ADAMTS15: variants seen among roughly 807,000 people sequenced by gnomAD.
ADAMTS15 encodes the protein ADAM metallopeptidase with thrombospondin type 1 motif 15.
Under a neutral mutation model 79.1 loss-of-function variants are expected in ADAMTS15, and 35 were observed. The observed-to-expected ratio is 0.44, with a 90% CI of 0.34 to 0.59. ADAMTS15 has a LOEUF of 0.59. Ranked by LOEUF, ADAMTS15 falls within the 20% of genes least tolerant of loss-of-function variation. The pLI is 0.02. For missense variants in ADAMTS15, 1,324 were observed against 1,318.7 expected (o/e 1.00, Z -0.06); for synonymous variants, 616 against 567.3 (o/e 1.09, Z -1.22).
intron 5 of ADAMTS15, among the ~76,000 whole-genome samples, chr11:130,470,154 G>GTATATATATATATATGTATA (rs1938401449): frequency 1.8e-5 from 1 of 55,574 alleles, no homozygotes; most frequent in Non-Finnish European, 3.3e-5. Context: ...ATATATATGT[G>GTATATATATATATATGTATA]TATATATATA....
rs931705110 is a variant in ADAMTS15 at position 130,472,836 on chromosome 11, A to G, written c.2079-211A>G. ...TGTGTGGAATTCTGAGCTCCACTTT[A>G]CAGGTGAGGATGTGGAGGCTTGGAG... On this transcript the variant is annotated intron_variant, in intron 7 of 7. Transcript: ENST00000299164. This position sits in a 1 kb window ranked among gnomAD's most constrained non-coding sequence, Gnocchi z 4.7. 3.9e-5 allele frequency among the ~76,000 whole-genome samples: 6 copies of G among 152,176 alleles called. No homozygotes were observed. Among genetic ancestry groups the G allele is most frequent in the Non-Finnish European group, 7.3e-5 (5 of 68,030 alleles).
chr11:130,449,938 G>A lies in ADAMTS15; in HGVS notation c.957+8G>A. 1 of 1,596,454 alleles carries A rather than the reference G, an allele frequency of 6.3e-7. No individual in the cohort carries two copies. Among genetic ancestry groups the A allele is most frequent in the Non-Finnish European group, 8.5e-7 (1 of 1,177,450 alleles). On this transcript the variant is annotated splice_region_variant and intron_variant, in intron 1 of 7. Coordinates refer to ENST00000299164, the MANE Select transcript of ADAMTS15 (RefSeq NM_139055.4). This position sits in a 1 kb window ranked among gnomAD's most constrained non-coding sequence, Gnocchi z 7.8. ...ATCCTCTTCACCAGGCAGGTGAGTT[G>A]ATCTGCCGTCACTTTGCACCCAGAT...
intron 7 of ADAMTS15, 33 bp downstream of exon 7, chr11:130,471,416 A>G: frequency 6.3e-7 from 1 of 1,585,260 alleles, no homozygotes; most frequent in South Asian, 1.2e-5. Flanking sequence ...CCTGCCAGGG[A>G]GCAAAGGGAG....
chr11:130,454,666 G>A (rs1316620311), intron 1 of ADAMTS15, among the ~76,000 whole-genome samples: 2 of 152,156 alleles, frequency 1.3e-5, no homozygotes, highest in African/African-American at 4.8e-5. Flanking sequence ...ACAACACCAT[G>A]CCTTCTGGGA....
chr11:130,455,510 G>A (rs1938058285), intron 1 of ADAMTS15, among the ~76,000 whole-genome samples: 1 of 152,200 alleles, frequency 6.6e-6, no homozygotes, highest in South Asian at 2.1e-4. Context: ...GGTGATTGTG[G>A]AAGGAAGGTG....
intron 4 of ADAMTS15, among the ~76,000 whole-genome samples, chr11:130,468,311 G>C (rs970433719): frequency 2.0e-5 from 3 of 152,178 alleles, no homozygotes; most frequent in African/African-American, 7.2e-5. Context: ...GCCCACTAGG[G>C]TGCTGTGGTG....
Position 130,462,287 on chromosome 11 carries a change from G to T in ADAMTS15, c.1258+33G>T. The T allele has an allele frequency of 6.3e-7, 1 of 1,583,800 alleles. No homozygotes were observed. The highest frequency in any genetic ancestry group is 1.7e-5 in the Admixed American group (1 of 57,318). On this transcript the variant is annotated intron_variant, in intron 3 of 7. Transcript: ENST00000299164. The surrounding 1 kb of genome is among the most constrained non-coding windows in gnomAD (Gnocchi z 4.3). ...AGGACGGCGGGAGGGCAATGAGGCCGCCTCGGAGGGGGCTTTGCTGCTGCC... is the reference window on the plus strand; with the variant it reads ...AGGACGGCGGGAGGGCAATGAGGCCTCCTCGGAGGGGGCTTTGCTGCTGCC...
rs989129344 is a variant in ADAMTS15, at chr11:130,449,284, C to T, written c.311C>T (p.Ser104Phe). The T allele has an allele frequency of 1.9e-5, 31 of 1,612,134 alleles. No homozygotes were observed. Among genetic ancestry groups the T allele is most frequent in the Non-Finnish European group, 2.6e-5 (31 of 1,180,032 alleles). ...GSSDLRRCFY[S>F]GDVNAEPDSF... ...TCAGACCTGCGACGCTGCTTCTATT[C>T]TGGGGACGTGAACGCCGAGCCGGAC... Residue 104 changes from serine to phenylalanine, a missense_variant, in exon 1 of 8, where the codon TCT (serine) becomes TTT (phenylalanine). By Grantham distance (155) the Ser-to-Phe change is radical (BLOSUM62 -2). Transcript: ENST00000299164. The surrounding 1 kb of genome is among the most constrained non-coding windows in gnomAD (Gnocchi z 7.8).
rs1938437703 is a variant in ADAMTS15, at chr11:130,470,912, C to T, written c.1721-8C>T. On this transcript the variant is annotated splice_region_variant and splice_polypyrimidine_tract_variant and intron_variant, in intron 5 of 7. Transcript: ENST00000299164. Reference sequence around the variant, plus strand: ...CTCAACTTCTTTCTTATGCTTCTCCCTCCCTAGCCTCCGGAAAGAGCTTCC... The same window carrying T: ...CTCAACTTCTTTCTTATGCTTCTCCTTCCCTAGCCTCCGGAAAGAGCTTCC... 5 of 1,611,188 alleles carry T rather than the reference C, an allele frequency of 3.1e-6. No individual in the cohort carries two copies. Among genetic ancestry groups the T allele is most frequent in the Non-Finnish European group, 3.4e-6 (4 of 1,178,756 alleles).
At chr11:130,450,337 T>C in intron 1 of ADAMTS15, 9 of 985,460 alleles carry the variant, frequency 9.1e-6, no homozygotes, top group Non-Finnish European at 1.1e-5. Context: ...CTGAGTCTTC[T>C]CGGACACCTC....
At position 130,473,597 on chromosome 11, in the gene ADAMTS15, G is replaced by C; in HGVS notation, c.2629G>C (p.Ala877Pro). The change falls in exon 8 of 8, where the codon GCC becomes CCC. Residue 877 changes from alanine (A) to proline (P), a missense_variant. By Grantham distance (27) the Ala-to-Pro change is conservative. Coordinates refer to ENST00000299164, the MANE Select transcript of ADAMTS15 (RefSeq NM_139055.4). ...RGSAGQRTVP[A>P]CDAAHRPVET... ...CTCCGCCGGGCAGCGCACGGTCCCT[G>C]CCTGTGATGCAGCCCATCGGCCCGT... 2 of 1,609,730 alleles carry C rather than the reference G, an allele frequency of 1.2e-6. No homozygotes were observed. The highest frequency in any genetic ancestry group is 1.7e-6 in the Non-Finnish European group (2 of 1,178,904).
chr11:130,461,656 G>A (rs760458594), intron 2 of ADAMTS15, 35 bp downstream of exon 2: 1 of 1,611,584 alleles, frequency 6.2e-7, no homozygotes. Flanking sequence ...GGGTCTTCTG[G>A]GTTTGCCTGG....
intron 5 of ADAMTS15, among the ~76,000 whole-genome samples, chr11:130,470,158 A>ATATATATATATATATATGTG (rs1938404048): frequency 2.4e-4 from 12 of 50,014 alleles, no homozygotes; most frequent in African/African-American, 1.0e-3. Context: ...ATATGTGTAT[A>ATATATATATATATATATGTG]TATATATATA....
At chr11:130,471,154 C>T in intron 6 of ADAMTS15, 53 bp downstream of exon 6, 4 of 1,591,396 alleles carry the variant, frequency 2.5e-6, no homozygotes, top group Non-Finnish European at 3.4e-6. Context: ...TTCCGGGGAG[C>T]ATCAGCTGAG....
intron 4 of ADAMTS15, among the ~76,000 whole-genome samples, chr11:130,468,344 T>C (rs56115363): frequency 0.059 from 9,049 of 152,218 alleles, 801 homozygotes; most frequent in African/African-American, 0.2. Flanking sequence ...GTTGAAAACA[T>C]GTCTGGCCAG....
intron 1 of ADAMTS15, among the ~76,000 whole-genome samples, chr11:130,460,724 C>T (rs1273740332): frequency 4.6e-5 from 7 of 152,230 alleles, no homozygotes; most frequent in Non-Finnish European, 1.0e-4. Context: ...CCCTATCCTG[C>T]CTTTCTGCGT....
rs1411422975 is a variant in ADAMTS15 at position 130,474,020 on chromosome 11, G to A, written c.*199G>A. 5 of 742,538 alleles carry A rather than the reference G, an allele frequency of 6.7e-6. No individual in the cohort carries two copies. The highest frequency in any genetic ancestry group is 3.5e-5 in the African/African-American group (2 of 56,460). 46.0% of individuals were successfully genotyped at this position (742,538 alleles called of 1,614,324 possible). On this transcript the variant is annotated 3_prime_UTR_variant, in exon 8 of 8. Coordinates refer to ENST00000299164, the MANE Select transcript of ADAMTS15 (RefSeq NM_139055.4). Reference sequence around the variant, plus strand: ...GGCAGAGGGAAGCCCAGGAACTCCCGCACAGTCTACCTCAGGCCCCGCTCC... The same window carrying A: ...GGCAGAGGGAAGCCCAGGAACTCCCACACAGTCTACCTCAGGCCCCGCTCC...
At chr11:130,464,070 T>C (rs1294943094) in intron 4 of ADAMTS15, among the ~76,000 whole-genome samples, 1 of 152,100 alleles carries the variant, frequency 6.6e-6, no homozygotes, top group Non-Finnish European at 1.5e-5. Flanking sequence ...CAGGGCTGTG[T>C]AGATGAGGGC....
chr11:130,458,282 C>T (rs910968451), intron 1 of ADAMTS15, among the ~76,000 whole-genome samples: 5 of 152,170 alleles, frequency 3.3e-5, no homozygotes, highest in Non-Finnish European at 5.9e-5. Context: ...CTGGTCTTGA[C>T]CTCCTGGCCT....
Sources: allele counts gnomAD v4.1 joint callset (sites outside exome capture counted in the v4.1 genomes callset), GRCh38; gene constraint gnomAD v4.1.1; non-coding constraint Gnocchi (gnomAD v3.1); transcripts MANE v1.5; gene names NCBI Gene and HGNC (gene_info 2026-07-23, HGNC 2026-07-21).